The following ADGRB3 variants were observed in gnomAD, a reference collection of about 807,000 sequenced individuals.
ADGRB3 encodes adhesion G protein-coupled receptor B3, also known as brain-specific angiogenesis inhibitor 3.
In ADGRB3, 37 loss-of-function variants were observed where a neutral mutation model predicts 193.4. The ratio of observed to expected loss-of-function variants is 0.19; its 90% CI spans 0.15 to 0.25. The LOEUF is 0.25. Among genes scored for constraint, ADGRB3 ranks in the 10% least tolerant of loss-of-function variants. The pLI, the probability that ADGRB3 is intolerant of heterozygous loss-of-function variation, is 1.00. For missense variants in ADGRB3, 1,637 were observed against 1,852.9 expected, an observed-to-expected ratio of 0.88 and a Z score of 2.14; for synonymous variants, 690 against 644.2, an observed-to-expected ratio of 1.07 and a Z score of -1.08.
At chr6:68,797,769 A>G (rs1346372588) in intron 3 of ADGRB3, among the ~76,000 whole-genome samples, 1 of 152,070 alleles carries the variant, frequency 6.6e-6, no homozygotes, top group Non-Finnish European at 1.5e-5. Flanking sequence ...CTCTCCTCAG[A>G]TTTTTATTTT....
intron 3 of ADGRB3, among the ~76,000 whole-genome samples, chr6:68,681,441 G>T (rs1388714754): frequency 1.3e-5 from 2 of 151,938 alleles, no homozygotes; most frequent in Non-Finnish European, 2.9e-5. Flanking sequence ...CACCACATCT[G>T]GCCAATCTTT....
rs555349155 is a variant in ADGRB3 at position 68,872,430 on chromosome 6, A to T, written c.758-58129A>T. On this transcript the variant is annotated intron_variant, in intron 3 of 31. Transcript: ENST00000370598. ...ATTATTTGATGAGGAAAAAACAACT[A>T]AAAGTGATTTTTAAAAAGGAAACGT... Among the ~76,000 whole-genome samples the T allele has an allele frequency of 4.6e-5, 7 of 152,284 alleles. No individual in the cohort carries two copies. The South Asian group carries it at 1.4e-3, about 32-fold the overall frequency.
At chr6:68,741,622 A>C (rs545245968) in intron 3 of ADGRB3, among the ~76,000 whole-genome samples, 3 of 152,308 alleles carry the variant, frequency 2.0e-5, no homozygotes, top group East Asian at 3.9e-4. Context: ...TCCTGAGCTC[A>C]AGTGATCCTC....
chr6:68,970,997 A>AGT (rs1350821199), intron 8 of ADGRB3, among the ~76,000 whole-genome samples: 5 of 152,224 alleles, frequency 3.3e-5, no homozygotes, highest in South Asian at 2.1e-4. Flanking sequence ...TGGGAATTGA[A>AGT]GTGTGAGCAG....
chr6:68,742,932 A>G (rs988195940), intron 3 of ADGRB3, among the ~76,000 whole-genome samples: 3 of 151,862 alleles, frequency 2.0e-5, no homozygotes, highest in Admixed American at 6.6e-5. Context: ...TATTTCTTGT[A>G]TCTTTTTAAG....
Position 68,981,876 on chromosome 6 carries a change from A to C in ADGRB3, c.1734+6536A>C, listed in dbSNP as rs1398296261. Among the ~76,000 whole-genome samples the C allele has an allele frequency of 5.7e-5, 8 of 139,576 alleles. 1 individual carries two copies. The highest frequency in any genetic ancestry group is 1.1e-4 in the Non-Finnish European group (7 of 62,838). 91.6% of individuals were successfully genotyped at this position (139,576 alleles called of 152,430 possible). On this transcript the variant is annotated intron_variant, in intron 10 of 31. Coordinates refer to ENST00000370598, the MANE Select transcript of ADGRB3 (RefSeq NM_001704.3). ...TATTTATTTATTTATTTATTTATTT[A>C]TTTATTTATTTATTTATTTTAGACA...
At chr6:68,813,349 A>G (rs1767557404) in intron 3 of ADGRB3, among the ~76,000 whole-genome samples, 1 of 152,090 alleles carries the variant, frequency 6.6e-6, no homozygotes. Context: ...AAACGGACTG[A>G]TACAGAATCC....
chr6:69,117,628 G>A (rs1208516386), intron 17 of ADGRB3, among the ~76,000 whole-genome samples: 1 of 152,086 alleles, frequency 6.6e-6, no homozygotes, highest in East Asian at 1.9e-4. Flanking sequence ...GGAAATATGA[G>A]GGATTAATCA....
At chr6:69,272,663 G>C (rs550953757) in intron 20 of ADGRB3, among the ~76,000 whole-genome samples, 1 of 152,094 alleles carries the variant, frequency 6.6e-6, no homozygotes, top group African/African-American at 2.4e-5. Flanking sequence ...TAAAATGTGA[G>C]GAATGAATTA....
intron 3 of ADGRB3, among the ~76,000 whole-genome samples, chr6:68,912,365 A>T (rs1478950814): frequency 6.7e-6 from 1 of 150,170 alleles, no homozygotes; most frequent in African/African-American, 2.5e-5. Context: ...ATTTTATTTT[A>T]TTTTATTTTA....
At chr6:68,934,263 G>C (rs1042286567) in intron 4 of ADGRB3, among the ~76,000 whole-genome samples, 3 of 152,160 alleles carry the variant, frequency 2.0e-5, no homozygotes, top group Non-Finnish European at 4.4e-5. Context: ...AATGAAGAGA[G>C]AGGAAGAGTG....
intron 3 of ADGRB3, among the ~76,000 whole-genome samples, chr6:68,676,404 A>G (rs935530032): frequency 2.6e-5 from 4 of 151,576 alleles, no homozygotes; most frequent in Non-Finnish European, 5.9e-5. Context: ...AAAAAAAAAA[A>G]AAAAAAAGAA....
intron 6 of ADGRB3, among the ~76,000 whole-genome samples, chr6:68,949,709 C>T (rs971336166): frequency 6.6e-6 from 1 of 152,138 alleles, no homozygotes; most frequent in Non-Finnish European, 1.5e-5. Context: ...ATTTTATCTT[C>T]TTAGCCTTCT....
At chr6:69,153,066 A>G (rs914686380) in intron 17 of ADGRB3, among the ~76,000 whole-genome samples, 1 of 152,154 alleles carries the variant, frequency 6.6e-6, no homozygotes, top group East Asian at 1.9e-4. Flanking sequence ...TTAATTTCAC[A>G]TGAAGCGTCC....
chr6:68,956,283 G>T, intron 7 of ADGRB3, 95 bp downstream of exon 7: 2 of 1,259,696 alleles, frequency 1.6e-6, no homozygotes, highest in Non-Finnish European at 1.1e-6. Context: ...CATGAAAGAA[G>T]ATAATCATTA....
At chr6:68,722,812 C>T (rs2127325436) in intron 3 of ADGRB3, among the ~76,000 whole-genome samples, 1 of 151,504 alleles carries the variant, frequency 6.6e-6, no homozygotes, top group Admixed American at 6.6e-5. Context: ...TAGACAGTGA[C>T]TTCATTTTGT....
chr6:68,976,369 A>C (rs951042146), intron 10 of ADGRB3, among the ~76,000 whole-genome samples: 1 of 152,160 alleles, frequency 6.6e-6, no homozygotes, highest in African/African-American at 2.4e-5. Flanking sequence ...TAAATTTATC[A>C]TTATTTAACT....
intron 3 of ADGRB3, among the ~76,000 whole-genome samples, chr6:68,681,151 T>C (rs1240494101): frequency 6.6e-6 from 1 of 152,058 alleles, no homozygotes; most frequent in South Asian, 2.1e-4. Context: ...CTCTAACTAA[T>C]AGAGCTAGAA....
chr6:68,964,676 G>A (rs1416283482), intron 8 of ADGRB3, among the ~76,000 whole-genome samples: 3 of 152,038 alleles, frequency 2.0e-5, no homozygotes, highest in Admixed American at 2.0e-4. Context: ...TTGTTATCAG[G>A]TTGAAACTAG....
Sources: gnomAD v4.1 joint callset for allele counts (sites outside exome capture counted in the v4.1 genomes callset) on GRCh38, gnomAD v4.1.1 for gene constraint, MANE v1.5 for transcripts, NCBI Gene and HGNC (gene_info 2026-07-23, HGNC 2026-07-21) for gene names.